The following BCAS3 variants were observed in gnomAD, a reference collection of about 807,000 sequenced individuals.
The protein encoded by BCAS3 is BCAS3 microtubule associated cell migration factor, also known as BCAS4/BCAS3 fusion.
BCAS3 carries 53 observed loss-of-function variants against 116.1 expected under a neutral mutation model. That is an observed-to-expected ratio of 0.46 (90% CI 0.37 to 0.57). The LOEUF (loss-of-function observed/expected upper bound fraction) is 0.57. BCAS3 is among the 20% of genes least tolerant of loss of function. The pLI, the probability that BCAS3 is intolerant of heterozygous loss-of-function variation, is 0.00. For synonymous variants in BCAS3, 391 were observed against 408.2 expected, an observed-to-expected ratio of 0.96 and a Z score of 0.51; for missense variants, 917 against 1,165.4, an observed-to-expected ratio of 0.79 and a Z score of 3.10.
At chr17:61,044,461 A>ATATATATATATATATATATATATATAT (rs1288025712) in intron 19 of BCAS3, among the ~76,000 whole-genome samples, 1 of 127,132 alleles carries the variant, frequency 7.9e-6, no homozygotes, top group African/African-American at 4.8e-5. Flanking sequence ...AAAAAAAAAA[A>ATATATATATATATATATATATATATAT]AAAAATATAT....
chr17:60,789,366 A>C (rs1598731602), intron 6 of BCAS3, among the ~76,000 whole-genome samples: 1 of 152,268 alleles, frequency 6.6e-6, no homozygotes, highest in Non-Finnish European at 1.5e-5. Flanking sequence ...GATATTATTT[A>C]ACATTTTCTG....
intron 7 of BCAS3, among the ~76,000 whole-genome samples, chr17:60,823,413 T>C (rs768247000): frequency 9.9e-5 from 15 of 151,916 alleles, no homozygotes; most frequent in Non-Finnish European, 1.8e-4. Flanking sequence ...ATAGAGAGGA[T>C]TGAGGGCTGG....
chr17:60,787,195 T>C (rs1211263498), intron 6 of BCAS3, among the ~76,000 whole-genome samples: 1 of 152,246 alleles, frequency 6.6e-6, no homozygotes, highest in Non-Finnish European at 1.5e-5. Flanking sequence ...AATTATGTGT[T>C]GTAGTTTGAG....
chr17:61,010,946 G>A (rs1340066488), intron 15 of BCAS3, among the ~76,000 whole-genome samples: 1 of 151,918 alleles, frequency 6.6e-6, no homozygotes, highest in Non-Finnish European at 1.5e-5. Flanking sequence ...AGATTTTTGG[G>A]ACTTCCTCTG....
intron 6 of BCAS3, among the ~76,000 whole-genome samples, chr17:60,775,743 C>G (rs2144448772): frequency 1.3e-5 from 2 of 152,236 alleles, no homozygotes; most frequent in Middle Eastern, 3.4e-3. Flanking sequence ...ATGATCCGCA[C>G]AAATTATAGG....
chr17:60,779,801 T>C (rs7214945), intron 6 of BCAS3, among the ~76,000 whole-genome samples: 35,247 of 152,052 alleles, frequency 0.23, 7,271 homozygotes, highest in African/African-American at 0.56. Flanking sequence ...ACTCAACCTA[T>C]ACCATTCTCT....
intron 22 of BCAS3, among the ~76,000 whole-genome samples, chr17:61,264,065 C>G (rs2049457030): frequency 6.6e-6 from 1 of 151,982 alleles, no homozygotes; most frequent in Admixed American, 6.6e-5. Flanking sequence ...CCAGACTATT[C>G]CCTGTCTGTA....
intron 14 of BCAS3, among the ~76,000 whole-genome samples, chr17:60,977,615 TA>T: frequency 6.6e-6 from 1 of 151,824 alleles, no homozygotes; most frequent in African/African-American, 2.4e-5. Flanking sequence ...ACTCGTCATC[TA>T]GCATTAGGTA....
At position 61,281,399 on chromosome 17, in the gene BCAS3, T is replaced by C. The variant is rs1314949580; in HGVS notation, c.2426-86928T>C. 6.6e-6 allele frequency among the ~76,000 whole-genome samples: 1 copy of C among 152,180 alleles called. No homozygotes were observed. The highest frequency in any genetic ancestry group is 2.4e-5 in the African/African-American group (1 of 41,450). On this transcript the variant is annotated intron_variant, in intron 22 of 23. Coordinates refer to ENST00000407086, the MANE Select transcript of BCAS3 (RefSeq NM_017679.5). This position sits in a 1 kb window ranked among gnomAD's most constrained non-coding sequence, Gnocchi z 4.2. ...GACCTAGGAATTTTTTGTAATTTAATTATTTAATGTCAAATTTTCCATCAT... is the reference window on the plus strand; with the variant it reads ...GACCTAGGAATTTTTTGTAATTTAACTATTTAATGTCAAATTTTCCATCAT...
intron 22 of BCAS3, among the ~76,000 whole-genome samples, chr17:61,232,871 T>C (rs1219245146): frequency 6.6e-6 from 1 of 152,242 alleles, no homozygotes. Flanking sequence ...TGCTTATCTA[T>C]TTAGCAGGCT....
chr17:60,818,338 C>T (rs1471460231), intron 7 of BCAS3, among the ~76,000 whole-genome samples: 1 of 152,162 alleles, frequency 6.6e-6, no homozygotes, highest in Non-Finnish European at 1.5e-5. Flanking sequence ...AACCAGTTTC[C>T]TAAAGCTGCA....
chr17:60,898,977 G>C (rs769714849), intron 10 of BCAS3, among the ~76,000 whole-genome samples: 17 of 152,116 alleles, frequency 1.1e-4, no homozygotes, highest in Non-Finnish European at 2.1e-4. Context: ...TGTACCCAAA[G>C]AAGTGGATTG....
intron 22 of BCAS3, among the ~76,000 whole-genome samples, chr17:61,149,315 T>C (rs534329735): frequency 6.6e-6 from 1 of 152,164 alleles, no homozygotes; most frequent in Admixed American, 6.5e-5. Flanking sequence ...GCTGGTTCCA[T>C]AGCATAAATT....
At chr17:60,913,430 G>A (rs992040697) in intron 12 of BCAS3, among the ~76,000 whole-genome samples, 2 of 152,070 alleles carry the variant, frequency 1.3e-5, no homozygotes, top group African/African-American at 4.8e-5. Context: ...AAAGCAACAA[G>A]ATCTGTGCAG....
chr17:60,938,445 C>G (rs562747059), intron 13 of BCAS3, among the ~76,000 whole-genome samples: 1 of 152,242 alleles, frequency 6.6e-6, no homozygotes, highest in South Asian at 2.1e-4. Context: ...GGTGCTAGAA[C>G]AACTGCGGTA....
intron 23 of BCAS3, among the ~76,000 whole-genome samples, chr17:61,371,933 G>T (rs772687538): frequency 6.6e-6 from 1 of 152,148 alleles, no homozygotes; most frequent in East Asian, 1.9e-4. Context: ...GATGGATGCC[G>T]ACCAAATAGT....
chr17:60,806,428 C>T (rs2048294697), intron 6 of BCAS3, among the ~76,000 whole-genome samples: 1 of 152,116 alleles, frequency 6.6e-6, no homozygotes, highest in African/African-American at 2.4e-5. Flanking sequence ...ATGCTTTTAG[C>T]CCAAATAATC....
At chr17:61,031,008 A>G (rs536960218) in intron 16 of BCAS3, among the ~76,000 whole-genome samples, 33 of 152,144 alleles carry the variant, frequency 2.2e-4, no homozygotes, top group South Asian at 4.1e-4. Context: ...TTTGGGCATC[A>G]ATACAAATTT....
Position 61,011,933 on chromosome 17 carries a change from C to T in BCAS3, c.1487-3818C>T, listed in dbSNP as rs1448590812. Among the ~76,000 whole-genome samples, 28 of 152,004 alleles carry T rather than the reference C, an allele frequency of 1.8e-4. 1 individual carries two copies. Among genetic ancestry groups the T allele is most frequent in the Admixed American group, 1.3e-4 (2 of 15,242 alleles). On this transcript the variant is annotated intron_variant, in intron 15 of 23. Transcript: ENST00000407086. ...GATTTCTGGTCTAAGCTAGCTCTTT[C>T]ATTTTACTAACTTCTGATGTTATTT...
Sources: allele counts gnomAD v4.1 joint callset (sites outside exome capture counted in the v4.1 genomes callset), GRCh38; gene constraint gnomAD v4.1.1; non-coding constraint Gnocchi (gnomAD v3.1); transcripts MANE v1.5; gene names NCBI Gene and HGNC (gene_info 2026-07-23, HGNC 2026-07-21).